GALNT13: variants seen among roughly 807,000 people sequenced by gnomAD.
GALNT13 encodes the protein UDP-GalNAc:polypeptide N-acetylgalactosaminyltransferase 13.
Under a neutral mutation model 64.2 loss-of-function variants are expected in GALNT13, and 28 were observed. That is an observed-to-expected ratio of 0.44 (90% CI 0.32 to 0.60). GALNT13 has a LOEUF of 0.60. Ranked by LOEUF, GALNT13 falls within the 20% of genes least tolerant of loss-of-function variation. The probability of loss-of-function intolerance (pLI) is 0.05; values close to 1 mark genes in which losing one functional copy is unlikely to be tolerated. For missense variants in GALNT13, 577 were observed against 669.8 expected, an observed-to-expected ratio of 0.86 and a Z score of 1.53; for synonymous variants, 214 against 224.6, an observed-to-expected ratio of 0.95 and a Z score of 0.42.
the GALNT13 span, among the ~76,000 whole-genome samples, chr2:153,698,472 A>G: frequency 4.6e-5 from 7 of 152,348 alleles, no homozygotes; most frequent in South Asian, 8.3e-4. Flanking sequence ...ACTTTAAACT[A>G]GCAAAGATCA....
At chr2:153,610,895 A>T in the GALNT13 span, among the ~76,000 whole-genome samples, 6 of 152,248 alleles carry the variant, frequency 3.9e-5, no homozygotes, top group East Asian at 1.2e-3. Context: ...AAGGAAATAA[A>T]TTTTTTAAAA....
At chr2:153,305,073 A>C in the GALNT13 span, among the ~76,000 whole-genome samples, 1 of 152,146 alleles carries the variant, frequency 6.6e-6, no homozygotes, top group Admixed American at 6.6e-5. Context: ...GGCATTCAAA[A>C]ATATATTTGT....
At chr2:153,418,019 G>A in the GALNT13 span, among the ~76,000 whole-genome samples, 1 of 152,192 alleles carries the variant, frequency 6.6e-6, no homozygotes, top group African/African-American at 2.4e-5. Flanking sequence ...GTGGTAGGCA[G>A]CAAAATGGCC....
chr2:154,021,006 G>A (rs899607540), intron 3 of GALNT13, among the ~76,000 whole-genome samples: 3 of 152,194 alleles, frequency 2.0e-5, no homozygotes, highest in African/African-American at 7.2e-5. Flanking sequence ...AGATCCGACA[G>A]TTGTAGATAT....
At chr2:154,287,046 T>C (rs1364811363) in intron 8 of GALNT13, 3 of 670,180 alleles carry the variant, frequency 4.5e-6, no homozygotes, top group Non-Finnish European at 8.2e-6. Context: ...AGGTGAGTGA[T>C]GACCTTACAG....
At chr2:154,340,088 A>G (rs1695675151) in intron 9 of GALNT13, among the ~76,000 whole-genome samples, 1 of 152,184 alleles carries the variant, frequency 6.6e-6, no homozygotes, top group Non-Finnish European at 1.5e-5. Flanking sequence ...TGGCTTTCAA[A>G]TAATAGACTC....
At chr2:153,620,152 C>A in the GALNT13 span, among the ~76,000 whole-genome samples, 6 of 151,880 alleles carry the variant, frequency 4.0e-5, no homozygotes, top group Non-Finnish European at 7.4e-5. Context: ...GAGACAGATT[C>A]TCATTCTGTC....
At chr2:153,298,787 T>C in the GALNT13 span, among the ~76,000 whole-genome samples, 1 of 152,158 alleles carries the variant, frequency 6.6e-6, no homozygotes, top group African/African-American at 2.4e-5. Flanking sequence ...TTTCAAGCAG[T>C]TTAGCACTTG....
intron 8 of GALNT13, chr2:154,286,961 C>T (rs62171257): frequency 0.03 from 16,201 of 548,572 alleles, 352 homozygotes; most frequent in East Asian, 0.075. Flanking sequence ...TCCATCACTA[C>T]CAAGACCCTC....
chr2:153,877,051 T>G (rs1437244749), intron 1 of GALNT13, among the ~76,000 whole-genome samples: 1 of 152,104 alleles, frequency 6.6e-6, no homozygotes, highest in African/African-American at 2.4e-5. Context: ...GGTTAATGGT[T>G]AATCCTCTCA....
chr2:153,549,480 C>T, the GALNT13 span, among the ~76,000 whole-genome samples: 1 of 152,130 alleles, frequency 6.6e-6, no homozygotes, highest in Non-Finnish European at 1.5e-5. Context: ...TCATGACTTG[C>T]TTTGACCCAC....
At chr2:153,140,898 A>G in the GALNT13 span, among the ~76,000 whole-genome samples, 2 of 152,022 alleles carry the variant, frequency 1.3e-5, no homozygotes, top group African/African-American at 4.8e-5. Context: ...TACCAATTTA[A>G]AGTGTTTAAT....
the GALNT13 span, among the ~76,000 whole-genome samples, chr2:153,718,233 C>A: frequency 6.6e-6 from 1 of 152,042 alleles, no homozygotes; most frequent in East Asian, 1.9e-4. Flanking sequence ...AGAGACGAAA[C>A]TGTTTGTTAA....
chr2:153,184,210 G>C, the GALNT13 span, among the ~76,000 whole-genome samples: 1 of 152,042 alleles, frequency 6.6e-6, no homozygotes, highest in Admixed American at 6.6e-5. Flanking sequence ...TGTATTCCTA[G>C]GTATTTTATT....
chr2:154,213,599 T>C (rs1235210110), intron 4 of GALNT13, among the ~76,000 whole-genome samples: 1 of 149,796 alleles, frequency 6.7e-6, no homozygotes, highest in Non-Finnish European at 1.5e-5. Context: ...CAGAAGAGAA[T>C]CCTGCTTAGA....
chr2:153,913,385 G>T (rs1689114826), intron 2 of GALNT13, among the ~76,000 whole-genome samples: 2 of 152,160 alleles, frequency 1.3e-5, no homozygotes, highest in Non-Finnish European at 2.9e-5. Context: ...AGGTTTGTCT[G>T]TGCACACATG....
intron 3 of GALNT13, among the ~76,000 whole-genome samples, chr2:154,135,240 A>T (rs1042437387): frequency 3.3e-5 from 5 of 152,010 alleles, no homozygotes; most frequent in Non-Finnish European, 7.4e-5. Context: ...CATTATTTTT[A>T]TCATAAAAAT....
chr2:153,982,578 G>A (rs576766943), intron 3 of GALNT13, among the ~76,000 whole-genome samples: 1 of 152,104 alleles, frequency 6.6e-6, no homozygotes, highest in South Asian at 2.1e-4. Flanking sequence ...TGTCAGTGTA[G>A]ATAGCTCTCA....
the GALNT13 span, among the ~76,000 whole-genome samples, chr2:153,815,323 C>T: frequency 6.6e-6 from 1 of 152,158 alleles, no homozygotes; most frequent in Non-Finnish European, 1.5e-5. Flanking sequence ...TCTGTTCACT[C>T]ATTTATCTCT....
Sources: allele counts gnomAD v4.1 joint callset (sites outside exome capture counted in the v4.1 genomes callset), GRCh38; gene constraint gnomAD v4.1.1; transcripts MANE v1.5; gene names NCBI Gene and HGNC (gene_info 2026-07-23, HGNC 2026-07-21).